Variants in MOB3B observed in about 807,000 individuals in gnomAD.
MOB3B encodes the protein MOB kinase activator 3B, also known as MOB kinase activator-like 2B.
Under a neutral mutation model 18.7 loss-of-function variants are expected in MOB3B, and 7 were observed. The ratio of observed to expected loss-of-function variants is 0.37; its 90% CI spans 0.21 to 0.70. The LOEUF (loss-of-function observed/expected upper bound fraction) is 0.70. MOB3B is among the 30% of genes least tolerant of loss of function. MOB3B has a pLI of 0.52. For missense variants in MOB3B, 253 were observed against 281.3 expected (o/e 0.90, Z 0.72); for synonymous variants, 111 against 99.9 (o/e 1.11, Z -0.66).
intron 2 of MOB3B, among the ~76,000 whole-genome samples, chr9:27,363,298 T>A (rs948461180): frequency 6.6e-6 from 1 of 152,078 alleles, no homozygotes; most frequent in Non-Finnish European, 1.5e-5. Context: ...TTTTTTGAGA[T>A]GGAGTCTCGC....
chr9:27,347,980 C>T (rs1453968957), intron 3 of MOB3B, among the ~76,000 whole-genome samples: 1 of 152,180 alleles, frequency 6.6e-6, no homozygotes, highest in Non-Finnish European at 1.5e-5. Context: ...AATGTATTCC[C>T]ATCATTATGT....
rs148114962 is a variant in MOB3B at position 27,395,448 on chromosome 9, A to AT, written c.419-36213dup. On this transcript the variant is annotated intron_variant, in intron 2 of 3. Transcript: ENST00000262244. ...TATTTGCCAATTAAATAATAAATAG[A>AT]TTTTTTAAAAAAAAAAAGACTGTTG... 4.3e-3 allele frequency among the ~76,000 whole-genome samples: 645 copies of AT among 149,750 alleles called. 2 individuals are homozygous for AT. The highest frequency in any genetic ancestry group is 0.02 in the East Asian group (103 of 5,074).
At chr9:27,381,288 ACT>A (rs1821573618) in intron 2 of MOB3B, among the ~76,000 whole-genome samples, 1 of 149,270 alleles carries the variant, frequency 6.7e-6, no homozygotes, top group South Asian at 2.1e-4. Flanking sequence ...TGGCTCTGAC[ACT>A]CTATTTCCCA....
At chr9:27,476,516 G>A (rs1264128934) in intron 1 of MOB3B, among the ~76,000 whole-genome samples, 1 of 152,116 alleles carries the variant, frequency 6.6e-6, no homozygotes, top group African/African-American at 2.4e-5. Context: ...AGGCCCACCC[G>A]ACTCCAGTAT....
At chr9:27,456,240 G>C (rs904482339) in intron 1 of MOB3B, among the ~76,000 whole-genome samples, 1 of 152,220 alleles carries the variant, frequency 6.6e-6, no homozygotes, top group African/African-American at 2.4e-5. Context: ...ACTCAGCCTT[G>C]GTTGGGCATT....
At chr9:27,496,166 T>C (rs1819894807) in intron 1 of MOB3B, among the ~76,000 whole-genome samples, 1 of 152,244 alleles carries the variant, frequency 6.6e-6, no homozygotes, top group African/African-American at 2.4e-5. Flanking sequence ...GTCACATCAG[T>C]GTCCATTTTT....
At chr9:27,427,207 G>T (rs1474848757) in intron 2 of MOB3B, among the ~76,000 whole-genome samples, 1 of 152,136 alleles carries the variant, frequency 6.6e-6, no homozygotes, top group Non-Finnish European at 1.5e-5. Context: ...CCCACCAGAA[G>T]GCCAGGGCTA....
chr9:27,363,763 A>G (rs1821306803), intron 2 of MOB3B, among the ~76,000 whole-genome samples: 1 of 152,040 alleles, frequency 6.6e-6, no homozygotes, highest in Non-Finnish European at 1.5e-5. Flanking sequence ...TTGTTTAAGG[A>G]CAGGGTTTTA....
intron 1 of MOB3B, among the ~76,000 whole-genome samples, chr9:27,496,666 G>A (rs552027206): frequency 2.0e-5 from 3 of 152,258 alleles, no homozygotes; most frequent in Admixed American, 2.0e-4. Context: ...TTAAAATTTA[G>A]CTCTGGTTTA....
At chr9:27,420,548 C>CATATATAT (rs55684272) in intron 2 of MOB3B, among the ~76,000 whole-genome samples, 36 of 31,078 alleles carry the variant, frequency 1.2e-3, no homozygotes, top group Admixed American at 1.5e-3. Context: ...CTGTATATTC[C>CATATATAT]ATATATATAT....
intron 2 of MOB3B, among the ~76,000 whole-genome samples, chr9:27,405,289 G>A (rs1587187347): frequency 6.6e-6 from 1 of 151,750 alleles, no homozygotes; most frequent in East Asian, 1.9e-4. Flanking sequence ...TGTATTTTTA[G>A]TAGAGACAGG....
intron 1 of MOB3B, among the ~76,000 whole-genome samples, chr9:27,493,906 A>G (rs974972591): frequency 6.6e-6 from 1 of 152,248 alleles, no homozygotes; most frequent in Non-Finnish European, 1.5e-5. Context: ...ACCACCGGTG[A>G]GCCGGGCAGA....
At chr9:27,333,371 T>A (rs530080298) in intron 3 of MOB3B, among the ~76,000 whole-genome samples, 6 of 151,552 alleles carry the variant, frequency 4.0e-5, no homozygotes, top group African/African-American at 1.2e-4. Context: ...AAAAAACTCG[T>A]TTAAATAAAC....
intron 3 of MOB3B, among the ~76,000 whole-genome samples, chr9:27,355,400 C>A (rs1821174153): frequency 1.3e-5 from 2 of 152,064 alleles, no homozygotes; most frequent in African/African-American, 2.4e-5. Flanking sequence ...CCCTTCTGGC[C>A]CCAGCTGCAT....
chr9:27,338,244 C>A (rs1563843704), intron 3 of MOB3B, among the ~76,000 whole-genome samples: 1 of 152,150 alleles, frequency 6.6e-6, no homozygotes, highest in Admixed American at 6.5e-5. Flanking sequence ...GCATGGAGAG[C>A]CCTATTTCCT....
chr9:27,454,620 A>G (rs1054006671), intron 2 of MOB3B, among the ~76,000 whole-genome samples: 7 of 152,218 alleles, frequency 4.6e-5, no homozygotes, highest in Non-Finnish European at 7.4e-5. Flanking sequence ...AGTAAACAGC[A>G]CAGCCTGGAA....
At chr9:27,354,100 G>A (rs2131350856) in intron 3 of MOB3B, among the ~76,000 whole-genome samples, 1 of 152,336 alleles carries the variant, frequency 6.6e-6, no homozygotes, top group Non-Finnish European at 1.5e-5. Flanking sequence ...GGGTTCCCAG[G>A]CTGCCAGCCA....
chr9:27,501,052 T>A (rs1819984704), intron 1 of MOB3B, among the ~76,000 whole-genome samples: 1 of 152,140 alleles, frequency 6.6e-6, no homozygotes, highest in African/African-American at 2.4e-5. Flanking sequence ...CACAATGAGA[T>A]ACCATCTCAC....
At chr9:27,395,761 C>A (rs1253837770) in intron 2 of MOB3B, among the ~76,000 whole-genome samples, 1 of 152,178 alleles carries the variant, frequency 6.6e-6, no homozygotes, top group African/African-American at 2.4e-5. Flanking sequence ...GGTCCTGGAG[C>A]CAAGCTGACC....
Sources: allele counts gnomAD v4.1 joint callset (sites outside exome capture counted in the v4.1 genomes callset), GRCh38; gene constraint gnomAD v4.1.1; transcripts MANE v1.5; gene names NCBI Gene and HGNC (gene_info 2026-07-23, HGNC 2026-07-21).